Variants in PPP1R36 observed in about 807,000 individuals in gnomAD.
PPP1R36 encodes the protein protein phosphatase 1 regulatory subunit 36.
PPP1R36 carries 47 observed loss-of-function variants against 53.4 expected under a neutral mutation model. The ratio of observed to expected loss-of-function variants is 0.88; its 90% confidence interval spans 0.70 to 1.12. The LOEUF (loss-of-function observed/expected upper bound fraction) is 1.12, where lower values mean the gene tolerates loss of function less well. Among genes scored for constraint, PPP1R36 ranks in the 50% most tolerant of loss-of-function variants. The pLI, the probability that PPP1R36 is intolerant of heterozygous loss-of-function variation, is 0.00. For synonymous variants in PPP1R36, 153 were observed against 170.5 expected, an observed-to-expected ratio of 0.90 and a Z score of 0.80; for missense variants, 456 against 513.9, an observed-to-expected ratio of 0.89 and a Z score of 1.09.
chr14:64,552,188 T>C (rs990672023), intron 2 of PPP1R36, among the ~76,000 whole-genome samples: 2 of 151,698 alleles, frequency 1.3e-5, no homozygotes, highest in Admixed American at 6.6e-5. Flanking sequence ...ATATACAGCA[T>C]TGAAGTGACA....
chr14:64,587,366 A>G lies in PPP1R36; in HGVS notation c.884A>G (p.Gln295Arg). ...GGEKKRMTFVQFRRMMAKRPA... is the reference protein window; with the variant it reads ...GGEKKRMTFVRFRRMMAKRPA... ...GAAAAGAAACGCATGACTTTTGTTC[A>G]GTTCAGGTATGACCTTTTGACTTTC... Residue 295 changes from glutamine to arginine, a missense_variant, in exon 10 of 12, where the codon CAG (glutamine) becomes CGG (arginine). Gln to Arg is a conservative substitution (Grantham distance 43). Transcript: ENST00000298705. The G allele has an allele frequency of 3.7e-6, 6 of 1,603,572 alleles. No individual in the cohort carries two copies. The highest frequency in any genetic ancestry group is 2.2e-5 in the East Asian group (1 of 44,502).
rs1417728210 is a variant in PPP1R36 at position 64,589,226 on chromosome 14, C to T, written c.1157C>T (p.Thr386Ile). Residue 386 changes from threonine to isoleucine, a missense_variant, in exon 12 of 12, where the codon ACA becomes ATA. By Grantham distance (89) the Thr-to-Ile change is moderately conservative. Transcript: ENST00000298705. ...CACCCCCTTGATCCAGAAGAAAACA[C>T]AAAATCATTTGGGAGATATCCTTCC... The part of the protein sequence containing the change: ...TLHPLDPEEN[T>I]KSFGRYPSLM... 6.2e-7 allele frequency: 1 copy of T among 1,613,986 alleles called. No homozygotes were observed. The highest frequency in any genetic ancestry group is 1.1e-5 in the South Asian group (1 of 91,050).
rs1332231887 is a variant in PPP1R36 at position 64,587,379 on chromosome 14, C to T, written c.890+7C>T. 11 of 1,561,794 alleles carry T rather than the reference C, an allele frequency of 7.0e-6. No individual in the cohort carries two copies. Among genetic ancestry groups the T allele is most frequent in the Non-Finnish European group, 8.7e-6 (10 of 1,151,340 alleles). ...TGACTTTTGTTCAGTTCAGGTATGA[C>T]CTTTTGACTTTCCTATGCTCAGGGG... On this transcript the variant is annotated splice_region_variant and intron_variant, in intron 10 of 11. Transcript: ENST00000298705.
intron 8 of PPP1R36, among the ~76,000 whole-genome samples, chr14:64,576,146 T>C (rs1297778606): frequency 2.7e-5 from 4 of 149,330 alleles, no homozygotes; most frequent in African/African-American, 7.5e-5. Flanking sequence ...AATGGTGTGA[T>C]CTCGGCTCAC....
At chr14:64,559,142 G>C (rs2080183221) in intron 3 of PPP1R36, among the ~76,000 whole-genome samples, 1 of 152,182 alleles carries the variant, frequency 6.6e-6, no homozygotes, top group Admixed American at 6.5e-5. Flanking sequence ...TCAGAGGTCG[G>C]GGTTGGAAGA....
At chr14:64,574,428 TTC>T (rs1396411611) in intron 7 of PPP1R36, 25 bp from the exon 8 acceptor site, 12 of 1,587,126 alleles carry the variant, frequency 7.6e-6, no homozygotes, top group Middle Eastern at 1.7e-4. Context: ...TTAACCCAAA[TTC>T]TCTTTTTTTT....
rs572692371 is a variant in PPP1R36 at position 64,589,164 on chromosome 14, G to A, written c.1095G>A (p.Leu365=). The A allele has an allele frequency of 6.2e-7, 1 of 1,611,380 alleles. No homozygotes were observed. Among genetic ancestry groups the A allele is most frequent in the South Asian group, 1.1e-5 (1 of 90,442 alleles). Residue 365 remains leucine, a synonymous_variant, in exon 12 of 12, where the codon TTG becomes TTA. Transcript: ENST00000298705. ...DSVPMPVVGI[L]GEPRCLFNPH... ...ATTCTTTTCACAGAGTTGGCATCTT[G>A]GGGGAGCCTCGATGTCTATTCAACC...
chr14:64,576,823 T>C (rs2080345438), intron 8 of PPP1R36, among the ~76,000 whole-genome samples: 3 of 152,208 alleles, frequency 2.0e-5, no homozygotes, highest in South Asian at 4.1e-4. Context: ...CAAGTTTTTG[T>C]TGCTGCAGTT....
At chr14:64,579,257 A>T (rs1158313104) in intron 8 of PPP1R36, among the ~76,000 whole-genome samples, 3 of 152,030 alleles carry the variant, frequency 2.0e-5, no homozygotes, top group Admixed American at 6.6e-5. Flanking sequence ...GTACCCCCAA[A>T]CCTAAAATAA....
At chr14:64,557,375 G>T (rs921184057) in intron 3 of PPP1R36, among the ~76,000 whole-genome samples, 2 of 152,268 alleles carry the variant, frequency 1.3e-5, no homozygotes, top group South Asian at 4.1e-4. Context: ...ACTGATGTAG[G>T]TTGGGAGTCC....
At chr14:64,574,374 T>C in intron 7 of PPP1R36, 81 bp from the exon 8 acceptor site, 1 of 1,395,860 alleles carries the variant, frequency 7.2e-7, no homozygotes. Flanking sequence ...AAGAAAAGTT[T>C]ATAATTCTGA....
Position 64,577,278 on chromosome 14 carries a change from C to A in PPP1R36, c.668+2689C>A, listed in dbSNP as rs191867068. Among the ~76,000 whole-genome samples, 31 of 152,342 alleles carry A rather than the reference C, an allele frequency of 2.0e-4. No individual in the cohort carries two copies. In the East Asian group the frequency reaches 5.0e-3, roughly 25 times the overall value. ...GGCCTCACATCCTGAGACCATCACA[C>A]TGGGAGTTAGTATTTCAACATATGA... On this transcript the variant is annotated intron_variant, in intron 8 of 11. Coordinates refer to ENST00000298705, the MANE Select transcript of PPP1R36 (RefSeq NM_172365.3).
chr14:64,563,357 C>G lies in PPP1R36; in HGVS notation c.183-1394C>G, dbSNP rs138567289. ...CCCAGTATTTTAGCACACCCTTCCCCATGAATACCCAATTCTTGGAGACCA... is the reference window on the plus strand; with the variant it reads ...CCCAGTATTTTAGCACACCCTTCCCGATGAATACCCAATTCTTGGAGACCA... On this transcript the variant is annotated intron_variant, in intron 3 of 11. Coordinates refer to ENST00000298705, the MANE Select transcript of PPP1R36 (RefSeq NM_172365.3). Among the ~76,000 whole-genome samples, 167 of 151,748 alleles carry G rather than the reference C, an allele frequency of 1.1e-3. 4 individuals carry two copies. The East Asian group carries it at 0.023, about 21-fold the overall frequency.
At chr14:64,556,601 A>ATTTTTTTTT (rs753994540) in intron 3 of PPP1R36, among the ~76,000 whole-genome samples, 1 of 122,876 alleles carries the variant, frequency 8.1e-6, no homozygotes, top group Non-Finnish European at 1.6e-5. Flanking sequence ...TGTTCCCACA[A>ATTTTTTTTT]TTTTTTTTTT....
chr14:64,577,077 T>G (rs557311113), intron 8 of PPP1R36, among the ~76,000 whole-genome samples: 1 of 152,312 alleles, frequency 6.6e-6, no homozygotes, highest in East Asian at 1.9e-4. Flanking sequence ...AAGATCAGTA[T>G]ACCAGCATGG....
At chr14:64,554,340 A>G (rs2080128201) in intron 3 of PPP1R36, among the ~76,000 whole-genome samples, 1 of 151,778 alleles carries the variant, frequency 6.6e-6, no homozygotes, top group Non-Finnish European at 1.5e-5. Flanking sequence ...TAGTAGAGAC[A>G]GGGTTTCTCC....
intron 1 of PPP1R36, among the ~76,000 whole-genome samples, chr14:64,550,478 A>G (rs2080085699): frequency 1.3e-5 from 2 of 152,244 alleles, no homozygotes; most frequent in Admixed American, 6.5e-5. Context: ...GGAGCCCGGA[A>G]GTCTCCAGAA....
At chr14:64,556,199 A>C (rs1042806149) in intron 3 of PPP1R36, among the ~76,000 whole-genome samples, 2 of 133,648 alleles carry the variant, frequency 1.5e-5, no homozygotes, top group Admixed American at 1.8e-4. Context: ...TCTGCCTCCC[A>C]GGCTCAAGCA....
intron 4 of PPP1R36, 46 bp from the exon 5 acceptor site, chr14:64,565,311 T>C: frequency 7.3e-7 from 1 of 1,362,604 alleles, no homozygotes; most frequent in Non-Finnish European, 1.0e-6. Context: ...TAAATACAAC[T>C]AAAATATATT....
Sources: gnomAD v4.1 joint callset for allele counts (sites outside exome capture counted in the v4.1 genomes callset) on GRCh38, gnomAD v4.1.1 for gene constraint, MANE v1.5 for transcripts, NCBI Gene and HGNC (gene_info 2026-07-23, HGNC 2026-07-21) for gene names.